ITGA9: variants seen among roughly 807,000 people sequenced by gnomAD.
ITGA9 encodes the protein integrin subunit alpha 9, also known as integrin alpha-9.
Under a neutral mutation model 127.8 loss-of-function variants are expected in ITGA9, and 56 were observed. That is an observed-to-expected ratio of 0.44 (90% CI 0.35 to 0.55). The LOEUF (loss-of-function observed/expected upper bound fraction) is 0.55, where lower values mean the gene tolerates loss of function less well. Among genes scored for constraint, ITGA9 ranks in the 20% least tolerant of loss-of-function variants. ITGA9 has a pLI of 0.00. For synonymous variants in ITGA9, 508 were observed against 514.5 expected (o/e 0.99, Z 0.17); for missense variants, 1,196 against 1,347.1 (o/e 0.89, Z 1.76).
chr3:37,598,302 T>C (rs1427396424), intron 15 of ITGA9, among the ~76,000 whole-genome samples: 1 of 152,096 alleles, frequency 6.6e-6, no homozygotes, highest in East Asian at 1.9e-4. Context: ...TCAAAGGCTG[T>C]GTGAGTGAAG....
At chr3:37,631,199 C>T (rs192906429) in intron 16 of ITGA9, among the ~76,000 whole-genome samples, 1 of 152,310 alleles carries the variant, frequency 6.6e-6, no homozygotes, top group East Asian at 1.9e-4. Flanking sequence ...TCAGGGTCCT[C>T]TGTGCTTATT....
rs543557233 is a variant in ITGA9, at chr3:37,557,724, A to G, written c.1689+15139A>G. On this transcript the variant is annotated intron_variant, in intron 15 of 27. Transcript: ENST00000264741. Reference sequence around the variant, plus strand: ...TATATGCTACATGTTTTACATGTACATGAAGTCCTTATAAAGAATACAATT... The same window carrying G: ...TATATGCTACATGTTTTACATGTACGTGAAGTCCTTATAAAGAATACAATT... Among the ~76,000 whole-genome samples, 3 of 152,340 alleles carry G rather than the reference A, an allele frequency of 2.0e-5. No individual in the cohort carries two copies. In the East Asian group the frequency reaches 5.8e-4, roughly 29 times the overall value.
chr3:37,760,568 A>G (rs548097247), intron 23 of ITGA9, among the ~76,000 whole-genome samples: 1 of 152,328 alleles, frequency 6.6e-6, no homozygotes, highest in South Asian at 2.1e-4. Flanking sequence ...TCGTTCCAAA[A>G]CAGTGGCAGT....
intron 26 of ITGA9, among the ~76,000 whole-genome samples, chr3:37,797,881 C>T (rs1008761986): frequency 4.6e-5 from 7 of 151,764 alleles, no homozygotes; most frequent in African/African-American, 7.3e-5. Flanking sequence ...GACGGGGTTT[C>T]GCCATGTTGG....
intron 16 of ITGA9, among the ~76,000 whole-genome samples, chr3:37,641,346 C>T (rs972403124): frequency 4.6e-5 from 7 of 152,174 alleles, no homozygotes; most frequent in African/African-American, 1.7e-4. Flanking sequence ...AAACTGGTCC[C>T]TGGTGCCATA....
intron 18 of ITGA9, among the ~76,000 whole-genome samples, chr3:37,704,398 T>C (rs1282650068): frequency 6.6e-6 from 1 of 152,168 alleles, no homozygotes; most frequent in Non-Finnish European, 1.5e-5. Flanking sequence ...CTGGAATTAA[T>C]TTGTCCCCAA....
chr3:37,736,735 G>A (rs1696367120), intron 19 of ITGA9, among the ~76,000 whole-genome samples, 169 bp from the exon 20 acceptor site: 1 of 152,188 alleles, frequency 6.6e-6, no homozygotes. Context: ...GTCAGGCTTG[G>A]TTTTACTGTT....
At chr3:37,595,745 C>A (rs572346135) in intron 15 of ITGA9, among the ~76,000 whole-genome samples, 1 of 152,316 alleles carries the variant, frequency 6.6e-6, no homozygotes, top group African/African-American at 2.4e-5. Flanking sequence ...AGCTTTGGGG[C>A]AGTTTCCTGC....
At chr3:37,478,503 G>A (rs191624672) in intron 3 of ITGA9, among the ~76,000 whole-genome samples, 1 of 152,308 alleles carries the variant, frequency 6.6e-6, no homozygotes, top group Non-Finnish European at 1.5e-5. Context: ...AATATTTGGA[G>A]TGGGACAAGG....
At chr3:37,502,162 T>C (rs1473939087) in intron 5 of ITGA9, among the ~76,000 whole-genome samples, 1 of 152,022 alleles carries the variant, frequency 6.6e-6, no homozygotes, top group Non-Finnish European at 1.5e-5. Context: ...TGTTGACCAT[T>C]TCCCCCTGAT....
intron 15 of ITGA9, among the ~76,000 whole-genome samples, chr3:37,547,444 T>A (rs970641287): frequency 2.0e-5 from 3 of 152,198 alleles, no homozygotes; most frequent in Non-Finnish European, 1.5e-5. Flanking sequence ...TTTTGGCCTG[T>A]TTCCATTTTC....
At chr3:37,641,070 AG>A (rs1271620384) in intron 16 of ITGA9, among the ~76,000 whole-genome samples, 2 of 152,118 alleles carry the variant, frequency 1.3e-5, no homozygotes, top group Non-Finnish European at 2.9e-5. Flanking sequence ...CCGTCTCTGC[AG>A]GCCCGTGGGT....
intron 4 of ITGA9, among the ~76,000 whole-genome samples, chr3:37,485,962 A>G (rs17814180): frequency 0.11 from 16,615 of 152,252 alleles, 1,058 homozygotes; most frequent in Middle Eastern, 0.16. Flanking sequence ...CTTTGGTGGG[A>G]CGATGTATAG....
At chr3:37,581,461 C>T (rs1167811684) in intron 15 of ITGA9, among the ~76,000 whole-genome samples, 1 of 152,216 alleles carries the variant, frequency 6.6e-6, no homozygotes, top group Non-Finnish European at 1.5e-5. Context: ...TGTTGGCTGG[C>T]TGGCTGGATT....
At position 37,788,768 on chromosome 3, in the gene ITGA9, CTG is replaced by C. The variant is rs574846567; in HGVS notation, c.2889+3692_2889+3693del. On this transcript the variant is annotated intron_variant, in intron 26 of 27. Coordinates refer to ENST00000264741, the MANE Select transcript of ITGA9 (RefSeq NM_002207.3). Reference sequence around the variant, plus strand: ...TTTCAACTAGCATTAACATCCGAAACTGTATATCATCACCACATTTCATTTAC... The same window carrying C: ...TTTCAACTAGCATTAACATCCGAAACTATATCATCACCACATTTCATTTAC... Among the ~76,000 whole-genome samples, 525 of 152,212 alleles carry C rather than the reference CTG, an allele frequency of 3.4e-3. 4 individuals carry two copies. Among genetic ancestry groups the C allele is most frequent in the Non-Finnish European group, 4.2e-3 (285 of 68,000 alleles).
intron 26 of ITGA9, among the ~76,000 whole-genome samples, chr3:37,788,218 G>C (rs575636114): frequency 8.3e-4 from 126 of 152,244 alleles, no homozygotes; most frequent in African/African-American, 3.0e-3. Context: ...AGTGATGCCT[G>C]TCTTCCCTCA....
At chr3:37,615,543 C>G (rs1179061807) in intron 15 of ITGA9, among the ~76,000 whole-genome samples, 1 of 152,110 alleles carries the variant, frequency 6.6e-6, no homozygotes, top group Non-Finnish European at 1.5e-5. Flanking sequence ...AAGGAATAGT[C>G]CCAGCTCCTC....
At chr3:37,768,397 C>G (rs2125546005) in intron 23 of ITGA9, among the ~76,000 whole-genome samples, 1 of 152,328 alleles carries the variant, frequency 6.6e-6, no homozygotes, top group Non-Finnish European at 1.5e-5. Context: ...ATTAATGTCA[C>G]CACAGCCATT....
intron 17 of ITGA9, among the ~76,000 whole-genome samples, chr3:37,654,004 G>A (rs1266518465): frequency 5.9e-5 from 9 of 152,094 alleles, no homozygotes; most frequent in Non-Finnish European, 1.5e-5. Flanking sequence ...TGTGTTGATT[G>A]CAATTCCACA....
Sources: gnomAD v4.1 joint callset for allele counts (sites outside exome capture counted in the v4.1 genomes callset) on GRCh38, gnomAD v4.1.1 for gene constraint, MANE v1.5 for transcripts, NCBI Gene and HGNC (gene_info 2026-07-23, HGNC 2026-07-21) for gene names.